The following DNAH12 variants were observed in gnomAD, a reference collection of about 807,000 sequenced individuals.
DNAH12 encodes axonemal beta dynein heavy chain 12.
DNAH12 carries 285 observed loss-of-function variants against 371.5 expected under a neutral mutation model. The observed-to-expected ratio is 0.77, with a 90% confidence interval of 0.70 to 0.85. The LOEUF is 0.85. DNAH12 is among the 40% of genes least tolerant of loss of function. DNAH12 has a pLI of 0.00. For missense variants in DNAH12, 3,611 were observed against 3,689.4 expected, an observed-to-expected ratio of 0.98 and a Z score of 0.55; for synonymous variants, 1,200 against 1,213.0, an observed-to-expected ratio of 0.99 and a Z score of 0.22.
At chr3:57,519,858 G>A in intron 4 of DNAH12, 1 of 1,004,198 alleles carries the variant, frequency 1.0e-6, no homozygotes, top group Non-Finnish European at 1.6e-6. Flanking sequence ...CTCTGCAGAT[G>A]GCGCACATAT....
chr3:57,368,520 TAG>T (rs1273205427), intron 55 of DNAH12, among the ~76,000 whole-genome samples: 3 of 151,912 alleles, frequency 2.0e-5, no homozygotes, highest in Non-Finnish European at 4.4e-5. Context: ...AGTTCAGTGT[TAG>T]AAGTAGTAGG....
At chr3:57,374,363 C>T (rs1044708258) in intron 55 of DNAH12, among the ~76,000 whole-genome samples, 17 of 152,004 alleles carry the variant, frequency 1.1e-4, no homozygotes, top group Non-Finnish European at 1.9e-4. Context: ...GAGACACAGT[C>T]CCATGAAAAG....
chr3:57,460,618 C>A (rs1034805117), intron 19 of DNAH12, among the ~76,000 whole-genome samples: 7 of 152,148 alleles, frequency 4.6e-5, no homozygotes, highest in Non-Finnish European at 1.0e-4. Flanking sequence ...GGTTAGCCTG[C>A]TTCTTGGGAT....
At chr3:57,371,873 A>C (rs2063178604) in intron 55 of DNAH12, among the ~76,000 whole-genome samples, 1 of 148,140 alleles carries the variant, frequency 6.8e-6, no homozygotes, top group African/African-American at 2.5e-5. Flanking sequence ...CTTGAAAGAA[A>C]AAACAAAAAG....
intron 60 of DNAH12, among the ~76,000 whole-genome samples, chr3:57,342,378 T>C (rs1394468413): frequency 6.6e-6 from 1 of 150,638 alleles, no homozygotes; most frequent in Non-Finnish European, 1.5e-5. Context: ...TGGTGGCTTA[T>C]GCCTGTAATC....
At chr3:57,424,617 A>T (rs1306658952) in intron 35 of DNAH12, among the ~76,000 whole-genome samples, 3 of 151,806 alleles carry the variant, frequency 2.0e-5, no homozygotes, top group African/African-American at 7.3e-5. Context: ...CTCTACTAAA[A>T]ATACAAAAAT....
rs35588123 is a variant in DNAH12, at chr3:57,534,508, C to CTTTTT, written c.170+8188_170+8192dup. 1.3e-4 allele frequency among the ~76,000 whole-genome samples: 14 copies of CTTTTT among 108,810 alleles called. 1 individual carries two copies. Among genetic ancestry groups the CTTTTT allele is most frequent in the African/African-American group, 3.0e-4 (8 of 27,116 alleles). 71.4% of individuals were successfully genotyped at this position (108,810 alleles called of 152,430 possible). On this transcript the variant is annotated intron_variant, in intron 2 of 73. Coordinates refer to ENST00000495027, the MANE Select transcript of DNAH12 (RefSeq NM_001366028.2). Reference sequence around the variant, plus strand: ...GGTAGCCCAATTTATTGTTAGCTAGCTTTTTTTTTTTTTTTTTTTGAGACA... The same window carrying CTTTTT: ...GGTAGCCCAATTTATTGTTAGCTAGCTTTTTTTTTTTTTTTTTTTTTTTTGAGACA...
intron 62 of DNAH12, among the ~76,000 whole-genome samples, chr3:57,328,280 T>C (rs1480135322): frequency 6.6e-6 from 1 of 151,790 alleles, no homozygotes; most frequent in Non-Finnish European, 1.5e-5. Context: ...TAGACCAATA[T>C]CCTTGATGAA....
At chr3:57,499,673 T>TATATAC (rs771112538) in intron 11 of DNAH12, among the ~76,000 whole-genome samples, 4 of 44,456 alleles carry the variant, frequency 9.0e-5, no homozygotes, top group African/African-American at 3.6e-4. Context: ...TATATATATA[T>TATATAC]ATACTTCTTA....
At chr3:57,442,989 T>C (rs1280459279) in intron 29 of DNAH12, among the ~76,000 whole-genome samples, 1 of 152,218 alleles carries the variant, frequency 6.6e-6, no homozygotes, top group Non-Finnish European at 1.5e-5. Flanking sequence ...AAGAGAATCT[T>C]CACTGTACAT....
At chr3:57,423,139 TC>T (rs1484368230) in intron 35 of DNAH12, among the ~76,000 whole-genome samples, 2 of 152,152 alleles carry the variant, frequency 1.3e-5, no homozygotes, top group Non-Finnish European at 2.9e-5. Context: ...CCTTATCAAG[TC>T]CAAAAGTAAA....
In DNAH12 at chr3:57,310,735, G is replaced by A. The variant is rs1469030486; in HGVS notation, c.10878C>T (p.Asp3626=). The change falls in exon 67 of 74, where the codon GAC becomes GAT. Residue 3626 remains aspartate (D), a synonymous_variant. Transcript: ENST00000495027. ...YFAPPKGTYE[D]YIEFIKKLPF... is the part of the protein sequence containing the mutation. ...TCATTACCTTAATGAATTCAATGTA[G>A]TCCTCATAAGTGCCTTTAGGAGGTG... The A allele has an allele frequency of 1.3e-6, 2 of 1,549,864 alleles. No homozygotes were observed.
At chr3:57,406,582 A>G (rs530474789) in intron 40 of DNAH12, among the ~76,000 whole-genome samples, 2 of 152,192 alleles carry the variant, frequency 1.3e-5, no homozygotes, top group South Asian at 4.1e-4. Flanking sequence ...AAGGTGAATA[A>G]TCTGAGGTTA....
chr3:57,452,805 A>G, intron 25 of DNAH12, 38 bp downstream of exon 25: 2 of 1,505,408 alleles, frequency 1.3e-6, no homozygotes, highest in Non-Finnish European at 1.8e-6. Context: ...GCAAAAAGTA[A>G]TTATTAATGT....
At position 57,468,852 on chromosome 3, in the gene DNAH12, T is replaced by A; in HGVS notation, c.2233A>T (p.Lys745Ter). The part of the protein sequence containing the change: ...QTKLKKELQE[K>*]RKAARKRSLE... Reference sequence around the variant, plus strand: ...GACCGTTTTCTTGCTGCCTTTCTTTTTTCTTGTAATTCTTTCTTTAGCTTC... The same window carrying A: ...GACCGTTTTCTTGCTGCCTTTCTTTATTCTTGTAATTCTTTCTTTAGCTTC... Residue 745 changes from lysine to a stop codon, truncating the protein, a stop_gained, in exon 17 of 74, where the codon AAA (lysine) becomes TAA (stop). Transcript: ENST00000495027. LOFTEE classifies it high-confidence loss of function. 2.0e-6 allele frequency: 3 copies of A among 1,523,372 alleles called. No individual in the cohort carries two copies. The highest frequency in any genetic ancestry group is 1.8e-6 in the Non-Finnish European group (2 of 1,140,514). 94.4% of individuals were successfully genotyped at this position (1,523,372 alleles called of 1,614,324 possible).
intron 43 of DNAH12, among the ~76,000 whole-genome samples, chr3:57,398,976 T>C (rs1393771392): frequency 6.6e-6 from 1 of 152,182 alleles, no homozygotes; most frequent in Non-Finnish European, 1.5e-5. Context: ...TATAAATGTA[T>C]GTTAATTAGT....
In DNAH12 at chr3:57,425,067, C is replaced by T; in HGVS notation, c.5328G>A (p.Val1776=). Residue 1776 remains valine (V), a synonymous_variant, in exon 35 of 74, where the codon GTG becomes GTA. Coordinates refer to ENST00000495027, the MANE Select transcript of DNAH12 (RefSeq NM_001366028.2). The part of the protein sequence containing the change: ...TRLFEVLLCN[V]VENDPTSKHI... The stretch of plus-strand genomic sequence containing the variant: ...GCTTGCTAGTAGGATCATTTTCTAC[C>T]ACATTGCAAAGTAGCACTTCAAAGA... 1.4e-6 allele frequency: 1 copy of T among 702,718 alleles called. No individual in the cohort carries two copies. The highest frequency in any genetic ancestry group is 2.6e-6 in the Non-Finnish European group (1 of 384,920). 43.5% of individuals were successfully genotyped at this position (702,718 alleles called of 1,614,324 possible). A position where few individuals can be genotyped will look rare whatever the true frequency, so the allele number is the denominator to read the frequency against.
chr3:57,294,397 G>C (rs1012357528), intron 73 of DNAH12, among the ~76,000 whole-genome samples: 4 of 152,040 alleles, frequency 2.6e-5, no homozygotes, highest in Non-Finnish European at 4.4e-5. Flanking sequence ...GGCTGGTCTT[G>C]AACCCCTGAC....
intron 11 of DNAH12, among the ~76,000 whole-genome samples, chr3:57,497,457 C>T (rs2067361053): frequency 1.3e-5 from 2 of 152,156 alleles, no homozygotes; most frequent in East Asian, 3.8e-4. Context: ...AATTGATTTT[C>T]AACAAAGATG....
Sources: allele counts gnomAD v4.1 joint callset (sites outside exome capture counted in the v4.1 genomes callset), GRCh38; gene constraint gnomAD v4.1.1; transcripts MANE v1.5; gene names NCBI Gene and HGNC (gene_info 2026-07-23, HGNC 2026-07-21).